The following CDKAL1 variants were observed in gnomAD, a reference collection of about 807,000 sequenced individuals.
The protein encoded by CDKAL1 is threonylcarbamoyladenosine tRNA methylthiotransferase.
Under a neutral mutation model 68.2 loss-of-function variants are expected in CDKAL1, and 32 were observed. The observed-to-expected ratio is 0.47, with a 90% CI of 0.35 to 0.63. The LOEUF is 0.63. Ranked by LOEUF, CDKAL1 falls within the 30% of genes least tolerant of loss-of-function variation. CDKAL1 has a pLI of 0.00. For missense variants in CDKAL1, 606 were observed against 696.7 expected (o/e 0.87, Z 1.47); for synonymous variants, 234 against 244.3 (o/e 0.96, Z 0.39).
chr6:20,544,513 G>A (rs1028610144), intron 2 of CDKAL1, among the ~76,000 whole-genome samples: 3 of 145,944 alleles, frequency 2.1e-5, no homozygotes, highest in Non-Finnish European at 3.0e-5. Context: ...GGAGAATGGC[G>A]TGAACCCAGG....
chr6:21,153,062 G>A (rs996670660), intron 13 of CDKAL1, among the ~76,000 whole-genome samples: 1 of 152,012 alleles, frequency 6.6e-6, no homozygotes, highest in Admixed American at 6.5e-5. Flanking sequence ...TTCAGAAGTA[G>A]GTGATGTTTT....
intron 6 of CDKAL1, among the ~76,000 whole-genome samples, chr6:20,752,966 T>G (rs2150341674): frequency 6.6e-6 from 1 of 152,316 alleles, no homozygotes; most frequent in East Asian, 1.9e-4. Flanking sequence ...ATTGGAACCT[T>G]TGACCACTCC....
intron 5 of CDKAL1, among the ~76,000 whole-genome samples, chr6:20,734,805 C>T (rs1312055818): frequency 6.6e-6 from 1 of 151,656 alleles, no homozygotes; most frequent in Non-Finnish European, 1.5e-5. Context: ...TGGGCTCAAG[C>T]TATACACCTG....
intron 5 of CDKAL1, among the ~76,000 whole-genome samples, chr6:20,702,238 T>A (rs1480186432): frequency 1.3e-5 from 2 of 152,140 alleles, no homozygotes; most frequent in East Asian, 3.9e-4. Flanking sequence ...GGGCAGGTCG[T>A]GGGGCTCTGA....
chr6:20,838,413 T>G (rs1051603220), intron 8 of CDKAL1, among the ~76,000 whole-genome samples: 1 of 152,182 alleles, frequency 6.6e-6, no homozygotes. Context: ...TACAGCTGTC[T>G]CTACTGCTGT....
chr6:20,781,342 C>A, intron 8 of CDKAL1, 77 bp downstream of exon 8: 1 of 1,276,284 alleles, frequency 7.8e-7, no homozygotes, highest in Non-Finnish European at 1.1e-6. Flanking sequence ...GGACATGTGA[C>A]ATAGAAAAGT....
At chr6:20,546,224 A>G (rs922852139) in intron 2 of CDKAL1, 122 bp from the exon 3 acceptor site, 4 of 685,036 alleles carry the variant, frequency 5.8e-6, no homozygotes, top group Non-Finnish European at 7.2e-6. Flanking sequence ...TGTATTTTCT[A>G]TAAATTTGAA....
chr6:20,910,296 G>GTAA (rs1762411499), intron 9 of CDKAL1, among the ~76,000 whole-genome samples: 2 of 152,064 alleles, frequency 1.3e-5, no homozygotes, highest in South Asian at 4.1e-4. Context: ...AGATGTTTAG[G>GTAA]TAATGCTGCC....
chr6:20,862,836 G>C (rs1459290811), intron 9 of CDKAL1, among the ~76,000 whole-genome samples: 1 of 152,124 alleles, frequency 6.6e-6, no homozygotes, highest in Non-Finnish European at 1.5e-5. Flanking sequence ...AGACCAGCCT[G>C]ACCAACATGG....
chr6:20,846,560 CA>C (rs1336649834), intron 9 of CDKAL1, among the ~76,000 whole-genome samples: 7 of 152,074 alleles, frequency 4.6e-5, no homozygotes, highest in African/African-American at 1.7e-4. Context: ...ATTTTTGGAC[CA>C]TTTAGAAAAT....
At chr6:21,210,945 A>G (rs2151117023) in intron 15 of CDKAL1, among the ~76,000 whole-genome samples, 1 of 152,320 alleles carries the variant, frequency 6.6e-6, no homozygotes, top group East Asian at 1.9e-4. Context: ...CAGAGGCCCC[A>G]TGCCCCATCT....
intron 5 of CDKAL1, among the ~76,000 whole-genome samples, chr6:20,669,334 A>G (rs189451927): frequency 7.7e-4 from 117 of 152,340 alleles, no homozygotes; most frequent in African/African-American, 2.7e-3. Flanking sequence ...GAAGAGCTAC[A>G]GAATGAGTCT....
chr6:21,052,713 T>G (rs765074566), intron 11 of CDKAL1, among the ~76,000 whole-genome samples: 49 of 152,002 alleles, frequency 3.2e-4, no homozygotes, highest in Non-Finnish European at 6.8e-4. Context: ...CTGTCAAAGT[T>G]GAACTGTTAA....
intron 13 of CDKAL1, among the ~76,000 whole-genome samples, chr6:21,141,420 C>T (rs1400529187): frequency 6.6e-6 from 1 of 152,154 alleles, no homozygotes. Flanking sequence ...GACATTTGTC[C>T]CAGTGAATTA....
intron 13 of CDKAL1, among the ~76,000 whole-genome samples, chr6:21,132,174 A>C (rs1177786950): frequency 6.6e-6 from 1 of 152,178 alleles, no homozygotes; most frequent in Non-Finnish European, 1.5e-5. Context: ...TCTTAGAGAC[A>C]GAAAGATCTC....
intron 15 of CDKAL1, among the ~76,000 whole-genome samples, chr6:21,213,034 C>T (rs1462781492): frequency 2.6e-5 from 4 of 152,202 alleles, no homozygotes; most frequent in Non-Finnish European, 4.4e-5. Flanking sequence ...TTTTCCCTTC[C>T]ACAGGCCCCT....
intron 15 of CDKAL1, among the ~76,000 whole-genome samples, chr6:21,214,629 A>C (rs1329758491): frequency 6.6e-6 from 1 of 152,104 alleles, no homozygotes; most frequent in African/African-American, 2.4e-5. Context: ...CACCCTGGGC[A>C]GTCGTCTATA....
chr6:21,230,830 C>T lies in CDKAL1; in HGVS notation c.1549-18C>T, dbSNP rs374455074. ...CTGCATCTAAAAATAATTTTTTCCT[C>T]TGTTTCTCTCTTTATAGGACTTCAG... On this transcript the variant is annotated intron_variant, in intron 15 of 15. Transcript: ENST00000274695. 6.4e-7 allele frequency: 1 copy of T among 1,552,916 alleles called. No individual in the cohort carries two copies. Among genetic ancestry groups the T allele is most frequent in the Non-Finnish European group, 8.7e-7 (1 of 1,144,798 alleles).
intron 5 of CDKAL1, among the ~76,000 whole-genome samples, chr6:20,652,976 C>G (rs190249253): frequency 6.6e-6 from 1 of 152,044 alleles, no homozygotes; most frequent in Non-Finnish European, 1.5e-5. Context: ...CTTGTTTAGC[C>G]GTATTTTGAA....
Sources: allele counts gnomAD v4.1 joint callset (sites outside exome capture counted in the v4.1 genomes callset), GRCh38; gene constraint gnomAD v4.1.1; transcripts MANE v1.5; gene names NCBI Gene and HGNC (gene_info 2026-07-23, HGNC 2026-07-21).